The following SLC35D4 variants were observed in gnomAD, a reference collection of about 807,000 sequenced individuals.
SLC35D4 encodes the protein UDP-N-acetylglucosamine transporter SLC35D4.
chr18:23,276,577 C>G, the SLC35D4 span, among the ~76,000 whole-genome samples: 8 of 152,098 alleles, frequency 5.3e-5, no homozygotes, highest in Admixed American at 3.3e-4. Context: ...TGTTGTGGTG[C>G]TGGTATTTCA....
chr18:23,280,318 G>T, the SLC35D4 span, among the ~76,000 whole-genome samples: 2 of 152,208 alleles, frequency 1.3e-5, no homozygotes, highest in Admixed American at 6.5e-5. Flanking sequence ...GGTTATTAAC[G>T]GTCTCCACTG....
At chr18:23,294,863 T>C in the SLC35D4 span, among the ~76,000 whole-genome samples, 1 of 152,044 alleles carries the variant, frequency 6.6e-6, no homozygotes, top group African/African-American at 2.4e-5. Context: ...AGAGAACTAT[T>C]TGAAAAAGGA....
chr18:23,410,749 A>G, the SLC35D4 span, among the ~76,000 whole-genome samples: 5 of 152,216 alleles, frequency 3.3e-5, no homozygotes, highest in Admixed American at 1.3e-4. Flanking sequence ...GTGGGCCAAG[A>G]TCGCACCACT....
chr18:23,431,642 C>A, the SLC35D4 span, among the ~76,000 whole-genome samples: 9 of 152,138 alleles, frequency 5.9e-5, no homozygotes, highest in African/African-American at 2.2e-4. Flanking sequence ...ACCAATTCTG[C>A]ATAGGAGTCA....
chr18:23,389,865 T>C, the SLC35D4 span, among the ~76,000 whole-genome samples: 1 of 152,164 alleles, frequency 6.6e-6, no homozygotes, highest in Non-Finnish European at 1.5e-5. Flanking sequence ...TTACCAATCT[T>C]TCCCTGGCCT....
the SLC35D4 span, among the ~76,000 whole-genome samples, chr18:23,300,384 C>T: frequency 6.6e-6 from 1 of 152,164 alleles, no homozygotes; most frequent in South Asian, 2.1e-4. Context: ...GCAAATGTAA[C>T]CAGGGGCTCG....
the SLC35D4 span, among the ~76,000 whole-genome samples, chr18:23,305,522 T>C: frequency 2.4e-4 from 37 of 152,186 alleles, no homozygotes; most frequent in African/African-American, 8.9e-4. Context: ...AAAATATGGA[T>C]GACTTGGAAG....
At chr18:23,418,376 TA>T in the SLC35D4 span, among the ~76,000 whole-genome samples, 1 of 148,780 alleles carries the variant, frequency 6.7e-6, no homozygotes, top group East Asian at 2.0e-4. Context: ...TTATTATTAT[TA>T]TTATTATTTT....
the SLC35D4 span, among the ~76,000 whole-genome samples, chr18:23,263,938 G>GTAGACCTTAA: frequency 6.6e-6 from 1 of 152,238 alleles, no homozygotes; most frequent in African/African-American, 2.4e-5. Context: ...GTCCTTAACT[G>GTAGACCTTAA]CTGCTGTAGA....
the SLC35D4 span, chr18:23,421,258 G>GTAAA: frequency 1.2e-5 from 11 of 916,082 alleles, no homozygotes; most frequent in Admixed American, 2.8e-4. Flanking sequence ...AAATAAATAA[G>GTAAA]TAAATAAATA....
At chr18:23,418,346 C>CG in the SLC35D4 span, among the ~76,000 whole-genome samples, 1 of 128,466 alleles carries the variant, frequency 7.8e-6, no homozygotes, top group Middle Eastern at 3.9e-3. Context: ...CAGGAGAAGC[C>CG]AAAATTATTA....
At chr18:23,312,620 C>T in the SLC35D4 span, among the ~76,000 whole-genome samples, 1 of 152,162 alleles carries the variant, frequency 6.6e-6, no homozygotes, top group African/African-American at 2.4e-5. Flanking sequence ...TCGGTACAGG[C>T]AAGACTCCTC....
At chr18:23,306,101 C>T in the SLC35D4 span, among the ~76,000 whole-genome samples, 163 of 152,128 alleles carry the variant, frequency 1.1e-3, 1 homozygote, top group African/African-American at 3.6e-3. Context: ...TCCAAGGCCA[C>T]CTGGGAGATG....
At chr18:23,368,656 G>T in the SLC35D4 span, 1 of 1,079,090 alleles carries the variant, frequency 9.3e-7, no homozygotes, top group Non-Finnish European at 1.3e-6. Context: ...AAATATTATT[G>T]GAAAATAAAA....
chr18:23,345,912 T>A, the SLC35D4 span, among the ~76,000 whole-genome samples: 1 of 152,162 alleles, frequency 6.6e-6, no homozygotes, highest in Non-Finnish European at 1.5e-5. Flanking sequence ...TCCTTTTTGA[T>A]GCTATTGTGA....
chr18:23,374,048 A>G, the SLC35D4 span, among the ~76,000 whole-genome samples: 2 of 152,242 alleles, frequency 1.3e-5, no homozygotes, highest in Non-Finnish European at 2.9e-5. Flanking sequence ...CACTTGAGGA[A>G]AATAGTGTGC....
the SLC35D4 span, among the ~76,000 whole-genome samples, chr18:23,327,402 C>T: frequency 1.3e-5 from 2 of 151,920 alleles, no homozygotes; most frequent in African/African-American, 2.4e-5. Context: ...CAAACTACCA[C>T]CAGAGAATAC....
the SLC35D4 span, among the ~76,000 whole-genome samples, chr18:23,306,760 A>G: frequency 2.6e-5 from 4 of 152,156 alleles, no homozygotes; most frequent in African/African-American, 9.7e-5. Flanking sequence ...GGGGGGAAAA[A>G]TCTGCCAAGT....
chr18:23,437,884 G>T, the SLC35D4 span: 2 of 1,598,564 alleles, frequency 1.3e-6, no homozygotes, highest in Middle Eastern at 1.6e-4. Context: ...GGGGATCCAC[G>T]GTGCCTGCCC....
Sources: allele counts gnomAD v4.1 joint callset (sites outside exome capture counted in the v4.1 genomes callset), GRCh38; gene constraint gnomAD v4.1.1; transcripts MANE v1.5; gene names NCBI Gene and HGNC (gene_info 2026-07-23, HGNC 2026-07-21).